Variants in RBFOX1 observed in about 807,000 individuals in gnomAD.
RBFOX1 encodes the protein RNA binding protein fox-1 homolog 1.
Under a neutral mutation model 57.7 loss-of-function variants are expected in RBFOX1, and 8 were observed. The observed-to-expected ratio is 0.14, with a 90% CI of 0.08 to 0.25. The LOEUF (loss-of-function observed/expected upper bound fraction) is 0.25. Among genes scored for constraint, RBFOX1 ranks in the 10% least tolerant of loss-of-function variants. The probability of loss-of-function intolerance (pLI) is 1.00; values close to 1 mark genes in which losing one functional copy is unlikely to be tolerated. For synonymous variants in RBFOX1, 326 were observed against 222.4 expected (o/e 1.47, Z -4.15); for missense variants, 611 against 548.5 (o/e 1.11, Z -1.14).
At chr16:5,597,643 G>T (rs1567277178) in intron 2 of RBFOX1, among the ~76,000 whole-genome samples, 1 of 152,060 alleles carries the variant, frequency 6.6e-6, no homozygotes, top group African/African-American at 2.4e-5. Flanking sequence ...CAGGTGATCT[G>T]TCCGCCTCGG....
chr16:6,735,859 G>T (rs1024375425), intron 3 of RBFOX1, among the ~76,000 whole-genome samples: 1 of 152,112 alleles, frequency 6.6e-6, no homozygotes, highest in Non-Finnish European at 1.5e-5. Flanking sequence ...ATAATTCACA[G>T]GCCCTCCTTC....
intron 3 of RBFOX1, among the ~76,000 whole-genome samples, chr16:6,873,529 G>A (rs190118831): frequency 1.6e-4 from 24 of 152,188 alleles, no homozygotes; most frequent in Non-Finnish European, 3.1e-4. Flanking sequence ...CTGTGTTCTT[G>A]TAATTATTTT....
chr16:6,462,590 T>C (rs755224841), intron 2 of RBFOX1, among the ~76,000 whole-genome samples: 30 of 152,150 alleles, frequency 2.0e-4, no homozygotes, highest in Non-Finnish European at 3.4e-4. Context: ...ATTTGGCACG[T>C]ATTTCTTTCA....
intron 3 of RBFOX1, among the ~76,000 whole-genome samples, chr16:5,630,181 G>T (rs548551948): frequency 6.6e-6 from 1 of 152,234 alleles, no homozygotes; most frequent in Non-Finnish European, 1.5e-5. Flanking sequence ...CTTTAGCTGG[G>T]TGTAGTGGCT....
chr16:6,117,672 T>TC (rs1329000327), intron 1 of RBFOX1, among the ~76,000 whole-genome samples: 2 of 152,258 alleles, frequency 1.3e-5, no homozygotes, highest in Non-Finnish European at 2.9e-5. Flanking sequence ...ACCTAGGTCT[T>TC]GAACTTCCCA....
intron 3 of RBFOX1, among the ~76,000 whole-genome samples, chr16:5,717,702 C>G (rs911314284): frequency 2.0e-5 from 3 of 152,184 alleles, no homozygotes; most frequent in Admixed American, 2.0e-4. Flanking sequence ...CATTTCAACA[C>G]AGCACTCTCT....
rs139421447 is a variant in RBFOX1 at position 5,657,876 on chromosome 16, C to T, written c.318+58915C>T. Among the ~76,000 whole-genome samples the T allele has an allele frequency of 2.1e-4, 32 of 151,622 alleles. No individual in the cohort carries two copies. In the East Asian group the frequency reaches 5.5e-3, roughly 26 times the overall value. ...ACCCCCAGGTAGCTGGGATTACAGG[C>T]ATCCACAACAACGCCAGGCTAATTT... On this transcript the variant is annotated intron_variant, in intron 3 of 19. Transcript: ENST00000641259.
rs147215175 is a variant in RBFOX1 at position 5,254,432 on chromosome 16, G to A, written c.219+14327G>A. On this transcript the variant is annotated intron_variant, in intron 1 of 2. Coordinates refer to the RBFOX1 transcript ENST00000585867. ...CATAAAATACCAGTTTTTCTGACTC[G>A]CCTTTAGTAAAGACCTTAGTTGTCA... 1.4e-3 allele frequency among the ~76,000 whole-genome samples: 216 copies of A among 152,216 alleles called. 1 individual carries two copies. The highest frequency in any genetic ancestry group is 4.9e-3 in the African/African-American group (202 of 41,522).
At chr16:7,628,751 T>A (rs2060468443) in intron 10 of RBFOX1, among the ~76,000 whole-genome samples, 2 of 152,112 alleles carry the variant, frequency 1.3e-5, no homozygotes, top group Non-Finnish European at 2.9e-5. Flanking sequence ...TAGCTGGAAT[T>A]ACAGGCGCCT....
At chr16:6,953,891 T>A (rs1260078086) in intron 3 of RBFOX1, among the ~76,000 whole-genome samples, 2 of 152,174 alleles carry the variant, frequency 1.3e-5, no homozygotes, top group East Asian at 3.9e-4. Context: ...GTTGTTGACG[T>A]AAAGTTTTTT....
chr16:5,952,806 G>C (rs536279212), intron 4 of RBFOX1, among the ~76,000 whole-genome samples: 1 of 152,148 alleles, frequency 6.6e-6, no homozygotes. Context: ...CCAGGACAAG[G>C]CCTCCCATAC....
At chr16:7,244,381 A>G (rs1335709121) in intron 4 of RBFOX1, among the ~76,000 whole-genome samples, 1 of 151,854 alleles carries the variant, frequency 6.6e-6, no homozygotes, top group Non-Finnish European at 1.5e-5. Context: ...ATCCCCATGG[A>G]CCATGCTGGT....
chr16:6,418,580 G>A (rs2093690533), intron 2 of RBFOX1, among the ~76,000 whole-genome samples: 1 of 142,574 alleles, frequency 7.0e-6, no homozygotes, highest in South Asian at 2.2e-4. Context: ...CTGGAGTGCA[G>A]TGGTGCAATT....
At chr16:7,183,368 T>C (rs12599569) in intron 4 of RBFOX1, among the ~76,000 whole-genome samples, 39,204 of 152,058 alleles carry the variant, frequency 0.26, 5,750 homozygotes, top group East Asian at 0.41. Context: ...AGGTAATTTT[T>C]TTCTACCTGA....
intron 4 of RBFOX1, among the ~76,000 whole-genome samples, chr16:7,116,515 T>C (rs1450662968): frequency 1.3e-5 from 2 of 152,112 alleles, no homozygotes; most frequent in African/African-American, 4.8e-5. Flanking sequence ...GTAGTCAAGC[T>C]CTGGATTTGT....
intron 3 of RBFOX1, among the ~76,000 whole-genome samples, chr16:5,851,844 G>T (rs2056904721): frequency 6.6e-6 from 1 of 152,194 alleles, no homozygotes; most frequent in African/African-American, 2.4e-5. Context: ...GAGTCAGTGG[G>T]TGAGTAAAGG....
At chr16:5,458,048 A>G (rs1403871098) in intron 1 of RBFOX1, among the ~76,000 whole-genome samples, 1 of 152,174 alleles carries the variant, frequency 6.6e-6, no homozygotes, top group Non-Finnish European at 1.5e-5. Flanking sequence ...GGGCAGAAAA[A>G]AATGCTTTAA....
At chr16:6,647,272 C>G (rs1022071913) in intron 2 of RBFOX1, among the ~76,000 whole-genome samples, 2 of 152,126 alleles carry the variant, frequency 1.3e-5, no homozygotes, top group Non-Finnish European at 2.9e-5. Context: ...GAGATGGAAT[C>G]TTGGTCTGTT....
chr16:7,607,102 G>T (rs139526066), intron 9 of RBFOX1, among the ~76,000 whole-genome samples, 183 bp from the exon 10 acceptor site: 111 of 152,166 alleles, frequency 7.3e-4, no homozygotes, highest in African/African-American at 2.5e-3. Context: ...AATCAAAGAA[G>T]GGCATAAATA....
Sources: allele counts gnomAD v4.1 joint callset (sites outside exome capture counted in the v4.1 genomes callset), GRCh38; gene constraint gnomAD v4.1.1; transcripts MANE v1.5; gene names NCBI Gene and HGNC (gene_info 2026-07-23, HGNC 2026-07-21).